The following ASIC2 variants were observed in gnomAD, a reference collection of about 807,000 sequenced individuals.
ASIC2 encodes the protein acid-sensing ion channel 2.
ASIC2 carries 25 observed loss-of-function variants against 57.3 expected under a neutral mutation model. That is an observed-to-expected ratio of 0.44 (90% CI 0.32 to 0.61). The LOEUF is 0.61. Ranked by LOEUF, ASIC2 falls within the 20% of genes least tolerant of loss-of-function variation. The pLI is 0.06. For missense variants in ASIC2, 641 were observed against 738.1 expected, an observed-to-expected ratio of 0.87 and a Z score of 1.52; for synonymous variants, 319 against 307.5, an observed-to-expected ratio of 1.04 and a Z score of -0.39.
At chr17:33,572,044 C>T (rs73276903) in intron 1 of ASIC2, 12,025 of 152,266 alleles carry the variant, frequency 0.079, 896 homozygotes, top group African/African-American at 0.19. Flanking sequence ...TCTGGTGTTT[C>T]GACTTTGCCC....
At chr17:33,101,269 C>T (rs1289682770) in intron 2 of ASIC2, among the ~76,000 whole-genome samples, 1 of 152,158 alleles carries the variant, frequency 6.6e-6, no homozygotes, top group South Asian at 2.1e-4. Context: ...GGATAAGAAA[C>T]GTGCTACCCG....
intron 1 of ASIC2, among the ~76,000 whole-genome samples, chr17:33,360,649 G>C (rs924080698): frequency 1.3e-5 from 2 of 152,290 alleles, no homozygotes; most frequent in Non-Finnish European, 2.9e-5. Flanking sequence ...TTCTTAAACG[G>C]AACTTTTAGC....
At chr17:33,188,188 CTG>C (rs761251095) in intron 1 of ASIC2, among the ~76,000 whole-genome samples, 9 of 152,086 alleles carry the variant, frequency 5.9e-5, no homozygotes, top group Non-Finnish European at 1.0e-4. Flanking sequence ...AAAAAATGCA[CTG>C]GTTGGAATTA....
At chr17:33,922,673 GAGAT>G (rs1229949431) in intron 1 of ASIC2, among the ~76,000 whole-genome samples, 1 of 152,082 alleles carries the variant, frequency 6.6e-6, no homozygotes, top group Non-Finnish European at 1.5e-5. Flanking sequence ...ACAATTCTAG[GAGAT>G]AGATAGCAAT....
chr17:34,135,527 T>C (rs1912101623), intron 1 of ASIC2, among the ~76,000 whole-genome samples: 1 of 152,222 alleles, frequency 6.6e-6, no homozygotes, highest in Non-Finnish European at 1.5e-5. Flanking sequence ...CAGACTTCTC[T>C]GTGGCGAGAC....
At chr17:33,080,560 A>G (rs2092109196) in intron 3 of ASIC2, among the ~76,000 whole-genome samples, 1 of 152,148 alleles carries the variant, frequency 6.6e-6, no homozygotes, top group South Asian at 2.1e-4. Flanking sequence ...ATATACATAC[A>G]TACATACATA....
chr17:33,439,971 G>A (rs1305297095), intron 1 of ASIC2, among the ~76,000 whole-genome samples: 3 of 152,180 alleles, frequency 2.0e-5, no homozygotes, highest in Non-Finnish European at 4.4e-5. Context: ...GACTGTATTC[G>A]GGGAGGCTTT....
At chr17:33,272,054 A>G (rs59465302) in intron 1 of ASIC2, among the ~76,000 whole-genome samples, 49,728 of 150,148 alleles carry the variant, frequency 0.33, 8,334 homozygotes, top group Admixed American at 0.41. Context: ...TTCTGCCCAG[A>G]GCACCTTGCC....
At chr17:33,162,520 C>T (rs1905191630) in intron 1 of ASIC2, among the ~76,000 whole-genome samples, 1 of 152,170 alleles carries the variant, frequency 6.6e-6, no homozygotes, top group South Asian at 2.1e-4. Flanking sequence ...ACAGCCCCCT[C>T]CTGTCTACAA....
At chr17:33,375,981 T>C (rs375134052) in intron 1 of ASIC2, among the ~76,000 whole-genome samples, 2 of 152,164 alleles carry the variant, frequency 1.3e-5, no homozygotes, top group Non-Finnish European at 2.9e-5. Flanking sequence ...CTGTTAGACA[T>C]CTGAATGGAG....
At chr17:33,663,741 G>A (rs558585722) in intron 1 of ASIC2, among the ~76,000 whole-genome samples, 17 of 152,118 alleles carry the variant, frequency 1.1e-4, no homozygotes, top group South Asian at 2.1e-4. Flanking sequence ...ACTTGCCAAC[G>A]GATAGCAGGT....
chr17:33,861,789 A>G (rs978603683), intron 1 of ASIC2, among the ~76,000 whole-genome samples: 3 of 152,218 alleles, frequency 2.0e-5, no homozygotes, highest in Non-Finnish European at 4.4e-5. Flanking sequence ...AAGTACCTCT[A>G]TGGTCAGACA....
chr17:34,097,612 T>C (rs928614636), intron 1 of ASIC2, among the ~76,000 whole-genome samples: 12 of 152,112 alleles, frequency 7.9e-5, no homozygotes, highest in Admixed American at 7.9e-4. Context: ...AAGGCAGAGA[T>C]TGGAGTTATT....
At chr17:33,618,356 A>G (rs995662611) in intron 1 of ASIC2, among the ~76,000 whole-genome samples, 5 of 151,930 alleles carry the variant, frequency 3.3e-5, no homozygotes, top group African/African-American at 9.7e-5. Context: ...ACGTGGCTCA[A>G]TGCTCCTTAT....
At chr17:33,458,140 A>C (rs1487223839) in intron 1 of ASIC2, among the ~76,000 whole-genome samples, 1 of 152,178 alleles carries the variant, frequency 6.6e-6, no homozygotes, top group African/African-American at 2.4e-5. Context: ...AAGGGGTTCC[A>C]GACGGAGGAA....
intron 1 of ASIC2, among the ~76,000 whole-genome samples, chr17:33,276,457 G>A (rs1050097796): frequency 2.6e-5 from 4 of 152,244 alleles, no homozygotes; most frequent in East Asian, 1.9e-4. Flanking sequence ...AGACTTTCTC[G>A]CTCCTAAGTA....
intron 1 of ASIC2, among the ~76,000 whole-genome samples, chr17:33,217,356 G>C (rs1268523326): frequency 6.6e-6 from 1 of 152,182 alleles, no homozygotes; most frequent in African/African-American, 2.4e-5. Flanking sequence ...AAAGAGAATC[G>C]TGATATTGTG....
intron 1 of ASIC2, among the ~76,000 whole-genome samples, chr17:33,557,744 C>T (rs1306371553): frequency 6.6e-6 from 1 of 152,182 alleles, no homozygotes; most frequent in East Asian, 1.9e-4. Flanking sequence ...TTTATTTACA[C>T]ATCCCACTCT....
At chr17:33,926,482 T>C (rs1332507379) in intron 1 of ASIC2, among the ~76,000 whole-genome samples, 1 of 152,246 alleles carries the variant, frequency 6.6e-6, no homozygotes, top group Non-Finnish European at 1.5e-5. Context: ...GATAATTTTA[T>C]ACAGTATTTT....
Sources: gnomAD v4.1 joint callset for allele counts (sites outside exome capture counted in the v4.1 genomes callset) on GRCh38, gnomAD v4.1.1 for gene constraint, MANE v1.5 for transcripts, NCBI Gene and HGNC (gene_info 2026-07-23, HGNC 2026-07-21) for gene names.